VPS41: variants seen among roughly 807,000 people sequenced by gnomAD.
VPS41 encodes the protein vacuolar protein sorting-associated protein 41 homolog.
A neutral mutation model predicts 130.9 loss-of-function variants in VPS41; 85 were observed. The observed-to-expected ratio is 0.65, with a 90% CI of 0.55 to 0.78. The LOEUF is 0.78. Among genes scored for constraint, VPS41 ranks in the 30% least tolerant of loss-of-function variants. The pLI is 0.00. For missense variants in VPS41, 874 were observed against 1,018.7 expected, an observed-to-expected ratio of 0.86 and a Z score of 1.93; for synonymous variants, 335 against 332.9, an observed-to-expected ratio of 1.01 and a Z score of -0.07.
chr7:38,750,081 G>A (rs777093848), intron 22 of VPS41, among the ~76,000 whole-genome samples: 2 of 152,154 alleles, frequency 1.3e-5, no homozygotes, highest in Non-Finnish European at 2.9e-5. Context: ...CACCAGGCTG[G>A]TCTCAAACTC....
At chr7:38,840,805 C>CTTAAAAGTGAGAAGA (rs1315023379) in intron 4 of VPS41, among the ~76,000 whole-genome samples, 1 of 152,154 alleles carries the variant, frequency 6.6e-6, no homozygotes, top group Non-Finnish European at 1.5e-5. Context: ...CTGGCTTTTG[C>CTTAAAAGTGAGAAGA]TTAAAAGTGA....
chr7:38,737,073 T>C (rs1391205476), intron 25 of VPS41, among the ~76,000 whole-genome samples: 2 of 152,016 alleles, frequency 1.3e-5, no homozygotes, highest in African/African-American at 4.8e-5. Context: ...TATCTATCTT[T>C]AAAAAACTAA....
rs903121264 is a variant in VPS41 at position 38,749,845 on chromosome 7, T to C, written c.1926+2331A>G. On this transcript the variant is annotated intron_variant, in intron 22 of 28. Coordinates refer to ENST00000310301, the MANE Select transcript of VPS41 (RefSeq NM_014396.4). ...TTTGTTTCTAAGATGACTGAGTATA[T>C]ACAGAATTCTTTCTTATTATTCTTT... is the stretch of plus-strand genomic sequence containing the variant. Among the ~76,000 whole-genome samples the C allele has an allele frequency of 2.0e-5, 3 of 152,192 alleles. No homozygotes were observed. In the South Asian group the frequency reaches 6.2e-4, roughly 31 times the overall value.
chr7:38,799,273 A>G (rs187512820), intron 7 of VPS41, among the ~76,000 whole-genome samples: 270 of 152,372 alleles, frequency 1.8e-3, no homozygotes, highest in African/African-American at 6.1e-3. Flanking sequence ...TCTTATCATC[A>G]TAATTCTCAT....
chr7:38,754,084 T>A (rs184916015), intron 21 of VPS41, among the ~76,000 whole-genome samples: 4 of 151,432 alleles, frequency 2.6e-5, no homozygotes, highest in Admixed American at 2.0e-4. Context: ...ATGCAGAGAA[T>A]TGAAGTAGCC....
At chr7:38,804,173 G>T (rs1427622474) in intron 7 of VPS41, among the ~76,000 whole-genome samples, 1 of 101,930 alleles carries the variant, frequency 9.8e-6, no homozygotes, top group Non-Finnish European at 2.0e-5. Flanking sequence ...ATGCAACACA[G>T]ACTTTTTTTT....
At chr7:38,870,738 T>TA (rs1786334268) in intron 2 of VPS41, among the ~76,000 whole-genome samples, 23 of 68,478 alleles carry the variant, frequency 3.4e-4, no homozygotes, top group East Asian at 6.0e-4. Flanking sequence ...GACTATATGT[T>TA]CAAAAAAAAA....
intron 2 of VPS41, among the ~76,000 whole-genome samples, chr7:38,895,632 T>A (rs1786968906): frequency 6.6e-6 from 1 of 152,184 alleles, no homozygotes; most frequent in Admixed American, 6.5e-5. Flanking sequence ...GGAGGCATCT[T>A]TTTTTGGTGA....
At chr7:38,819,301 T>G (rs1785121242) in intron 6 of VPS41, among the ~76,000 whole-genome samples, 1 of 152,218 alleles carries the variant, frequency 6.6e-6, no homozygotes, top group African/African-American at 2.4e-5. Flanking sequence ...CTTCCCTACC[T>G]AAGCTGTTGA....
chr7:38,817,939 GA>G, intron 6 of VPS41, 57 bp from the exon 7 acceptor site: 1 of 1,326,826 alleles, frequency 7.5e-7, no homozygotes, highest in East Asian at 2.3e-5. Flanking sequence ...TGCACAGAAT[GA>G]AAACCCCTGA....
intron 18 of VPS41, 62 bp from the exon 19 acceptor site, chr7:38,757,044 G>A: frequency 7.8e-7 from 1 of 1,287,508 alleles, no homozygotes; most frequent in South Asian, 1.3e-5. Context: ...CACACACAGA[G>A]AGATCATGGT....
rs1263313088 is a variant in VPS41 at position 38,734,920 on chromosome 7, CTTGAA to C, written c.2260-6134_2260-6130del. ...TCCTTTAGGTCACAATGCTATGGGA[CTTGAA>C]TTCTTCTTGAAAAAGCTTTGCTTTC... On this transcript the variant is annotated intron_variant, in intron 25 of 28. Coordinates refer to ENST00000310301, the MANE Select transcript of VPS41 (RefSeq NM_014396.4). Among the ~76,000 whole-genome samples, 5 of 152,242 alleles carry C rather than the reference CTTGAA, an allele frequency of 3.3e-5. No homozygotes were observed. The East Asian group carries it at 9.7e-4, about 29-fold the overall frequency.
chr7:38,799,348 G>A (rs11982889), intron 7 of VPS41, among the ~76,000 whole-genome samples: 17,032 of 151,782 alleles, frequency 0.11, 1,500 homozygotes, highest in African/African-American at 0.25. Context: ...AACAAAAATG[G>A]TACAAAAAAC....
intron 4 of VPS41, among the ~76,000 whole-genome samples, chr7:38,849,060 G>T (rs1309202060): frequency 1.3e-5 from 2 of 151,702 alleles, no homozygotes; most frequent in African/African-American, 4.8e-5. Flanking sequence ...TTTTTTTCTT[G>T]AGGAAAAGTG....
intron 4 of VPS41, among the ~76,000 whole-genome samples, chr7:38,839,236 AT>A (rs1785558135): frequency 6.6e-6 from 1 of 152,124 alleles, no homozygotes; most frequent in Admixed American, 6.5e-5. Flanking sequence ...GGAAAAGCTC[AT>A]TTTACTGCTT....
chr7:38,838,173 GTACATCTACCATTTCTA>G (rs1785534736), intron 4 of VPS41, among the ~76,000 whole-genome samples: 1 of 151,582 alleles, frequency 6.6e-6, no homozygotes, highest in African/African-American at 2.4e-5. Context: ...AATGCCTTAC[GTACATCTACCATTTCTA>G]TACACTGAAA....
intron 2 of VPS41, among the ~76,000 whole-genome samples, chr7:38,894,238 C>T (rs1786930262): frequency 6.6e-6 from 1 of 152,140 alleles, no homozygotes; most frequent in Non-Finnish European, 1.5e-5. Context: ...CAAAATATCG[C>T]TCCTGGAACT....
chr7:38,876,478 G>A (rs1322936219), intron 2 of VPS41, among the ~76,000 whole-genome samples: 2 of 151,858 alleles, frequency 1.3e-5, no homozygotes, highest in Non-Finnish European at 2.9e-5. Flanking sequence ...TGTAGAATGG[G>A]GATGAAAATA....
intron 4 of VPS41, among the ~76,000 whole-genome samples, chr7:38,842,016 A>T (rs1306421855): frequency 6.6e-6 from 1 of 152,170 alleles, no homozygotes. Context: ...CTGCATATTC[A>T]CATTCAACAA....
Sources: gnomAD v4.1 joint callset for allele counts (sites outside exome capture counted in the v4.1 genomes callset) on GRCh38, gnomAD v4.1.1 for gene constraint, MANE v1.5 for transcripts, NCBI Gene and HGNC (gene_info 2026-07-23, HGNC 2026-07-21) for gene names.